FBN2: variants seen among roughly 807,000 people sequenced by gnomAD.
The protein encoded by FBN2 is fibrillin-2.
Under a neutral mutation model 355.6 loss-of-function variants are expected in FBN2, and 105 were observed. The observed-to-expected ratio is 0.30, with a 90% confidence interval of 0.25 to 0.35. FBN2 has a LOEUF of 0.35. Among genes scored for constraint, FBN2 ranks in the 10% least tolerant of loss-of-function variants. The probability of loss-of-function intolerance (pLI) is 1.00; values close to 1 mark genes in which losing one functional copy is unlikely to be tolerated. For synonymous variants in FBN2, 1,350 were observed against 1,301.2 expected (o/e 1.04, Z -0.81); for missense variants, 3,280 against 3,758.7 (o/e 0.87, Z 3.33).
At chr5:128,450,880 A>G (rs921549708) in intron 6 of FBN2, among the ~76,000 whole-genome samples, 5 of 152,164 alleles carry the variant, frequency 3.3e-5, no homozygotes, top group African/African-American at 4.8e-5. Flanking sequence ...ACTTAATTAC[A>G]AAATAACATA....
chr5:128,269,631 T>A (rs1213601757), intron 62 of FBN2, among the ~76,000 whole-genome samples: 1 of 152,044 alleles, frequency 6.6e-6, no homozygotes, highest in Non-Finnish European at 1.5e-5. Context: ...TCATTCACAA[T>A]TGCTACAAAG....
intron 5 of FBN2, among the ~76,000 whole-genome samples, chr5:128,515,747 T>C (rs1756264942): frequency 6.6e-6 from 1 of 151,956 alleles, no homozygotes; most frequent in Non-Finnish European, 1.5e-5. Context: ...TTCTTTAAAA[T>C]GTCAATAATT....
At chr5:128,527,646 T>C (rs946829823) in intron 4 of FBN2, among the ~76,000 whole-genome samples, 30 of 152,134 alleles carry the variant, frequency 2.0e-4, no homozygotes, top group Non-Finnish European at 1.3e-4. Context: ...TAGTTACCAG[T>C]TGTTGACTAG....
At chr5:128,273,261 C>T (rs962078568) in intron 61 of FBN2, among the ~76,000 whole-genome samples, 2 of 152,138 alleles carry the variant, frequency 1.3e-5, no homozygotes, top group African/African-American at 4.8e-5. Flanking sequence ...TTCTTAACTG[C>T]AAGCATGTTC....
intron 61 of FBN2, 116 bp from the exon 62 acceptor site, chr5:128,272,234 A>G (rs1327964434): frequency 3.4e-6 from 4 of 1,176,114 alleles, no homozygotes; most frequent in South Asian, 1.3e-5. Flanking sequence ...CAAACAAGAC[A>G]TGACACATAG....
rs869276284 is a variant in FBN2, at chr5:128,272,485, T to TAA, written c.7841-369_7841-368dup. Among the ~76,000 whole-genome samples the TAA allele has an allele frequency of 3.6e-3, 526 of 147,388 alleles. 9 individuals carry two copies. Among genetic ancestry groups the TAA allele is most frequent in the Non-Finnish European group, 2.3e-3 (151 of 67,092 alleles). On this transcript the variant is annotated intron_variant, in intron 61 of 64. Coordinates refer to ENST00000262464, the MANE Select transcript of FBN2 (RefSeq NM_001999.4). ...AATCATATATATATATATATATATA[T>TAA]AAAATATATTTGCATTGCATAGTCC... is the stretch of plus-strand genomic sequence containing the variant.
chr5:128,345,206 A>T (rs1049095935), intron 24 of FBN2, 151 bp downstream of exon 24: 1 of 721,718 alleles, frequency 1.4e-6, no homozygotes, highest in Non-Finnish European at 2.5e-6. Flanking sequence ...GGGGATTTAT[A>T]CTCTTGGGAC....
At chr5:128,536,754 A>G (rs1375344378) in intron 1 of FBN2, among the ~76,000 whole-genome samples, 2 of 152,136 alleles carry the variant, frequency 1.3e-5, no homozygotes, top group African/African-American at 4.8e-5. Context: ...ATGGAAACAT[A>G]TAATTTGCTA....
rs193120687 is a variant in FBN2 at position 128,417,774 on chromosome 5, C to T, written c.953-8975G>A. ...GCTACTATTTTGTTGGGGATTTTTACGTCTATATTCATCAGGAATATTGGC... is the reference window on the plus strand; with the variant it reads ...GCTACTATTTTGTTGGGGATTTTTATGTCTATATTCATCAGGAATATTGGC... On this transcript the variant is annotated intron_variant, in intron 7 of 64. Coordinates refer to ENST00000262464, the MANE Select transcript of FBN2 (RefSeq NM_001999.4). 5.3e-5 allele frequency among the ~76,000 whole-genome samples: 8 copies of T among 152,138 alleles called. No homozygotes were observed. The East Asian group carries it at 7.7e-4, about 15-fold the overall frequency.
chr5:128,293,740 T>C (rs1749403578), intron 48 of FBN2, among the ~76,000 whole-genome samples: 1 of 152,028 alleles, frequency 6.6e-6, no homozygotes, highest in South Asian at 2.1e-4. Flanking sequence ...TAGCATTCCA[T>C]AAAGAGAAGG....
rs545105135 is a variant in FBN2 at position 128,362,866 on chromosome 5, T to C, written c.2429-1018A>G. On this transcript the variant is annotated intron_variant, in intron 18 of 64. Transcript: ENST00000262464. Reference sequence around the variant, plus strand: ...AGTGAAGAGCTCTTTCACTTAAAGTTACATTTCTAGTATTGCAAATAACAA... The same window carrying C: ...AGTGAAGAGCTCTTTCACTTAAAGTCACATTTCTAGTATTGCAAATAACAA... Among the ~76,000 whole-genome samples, 5 of 152,294 alleles carry C rather than the reference T, an allele frequency of 3.3e-5. No individual in the cohort carries two copies. In the South Asian group the frequency reaches 1.0e-3, roughly 32 times the overall value.
chr5:128,381,574 AT>A (rs1452082690), intron 11 of FBN2, among the ~76,000 whole-genome samples: 5 of 152,142 alleles, frequency 3.3e-5, no homozygotes, highest in Non-Finnish European at 7.4e-5. Context: ...ATTCAAAGTG[AT>A]CAAAAATTGA....
Position 128,305,502 on chromosome 5 carries a change from CT to C in FBN2, c.5674+8del. 6.2e-7 allele frequency: 1 copy of C among 1,613,960 alleles called. No homozygotes were observed. The highest frequency in any genetic ancestry group is 8.5e-7 in the Non-Finnish European group (1 of 1,179,904). ...TCAGTGCCAAAGAATGAGTCAGCCT[CT>C]TTCTTACCTACACAGGCCCCATTGG... is the stretch of plus-strand genomic sequence containing the variant. On this transcript the variant is annotated splice_region_variant and intron_variant, in intron 44 of 64. Coordinates refer to ENST00000262464, the MANE Select transcript of FBN2 (RefSeq NM_001999.4).
At chr5:128,264,037 G>A (rs1561736698) in intron 62 of FBN2, among the ~76,000 whole-genome samples, 1 of 152,178 alleles carries the variant, frequency 6.6e-6, no homozygotes, top group East Asian at 1.9e-4. Flanking sequence ...TCGGGAGGAA[G>A]AAATGGGAAA....
intron 55 of FBN2, among the ~76,000 whole-genome samples, chr5:128,281,399 C>T (rs1765541138): frequency 6.6e-6 from 1 of 152,338 alleles, no homozygotes; most frequent in South Asian, 2.1e-4. Flanking sequence ...CTTCAACACA[C>T]ATTCTTAATG....
chr5:128,334,357 G>A (rs1051919373), intron 31 of FBN2, among the ~76,000 whole-genome samples: 5 of 152,012 alleles, frequency 3.3e-5, no homozygotes, highest in Non-Finnish European at 5.9e-5. Flanking sequence ...CGGGATCCTC[G>A]GGTCTTTTGG....
At chr5:128,528,191 C>A (rs1021458046) in intron 3 of FBN2, among the ~76,000 whole-genome samples, 3 of 151,966 alleles carry the variant, frequency 2.0e-5, no homozygotes, top group Admixed American at 6.6e-5. Flanking sequence ...GAAAACACTT[C>A]CAATGTTAAA....
chr5:128,537,243 G>T, intron 1 of FBN2, 107 bp downstream of exon 1: 1 of 1,512,944 alleles, frequency 6.6e-7, no homozygotes, highest in South Asian at 1.2e-5. Context: ...GCAGCTCTAG[G>T]CTCCAGCTAA....
intron 2 of FBN2, among the ~76,000 whole-genome samples, chr5:128,532,378 T>C (rs1756732253): frequency 6.6e-6 from 1 of 152,188 alleles, no homozygotes. Context: ...ACTGACACAA[T>C]ACATTCCACA....
Sources: allele counts gnomAD v4.1 joint callset (sites outside exome capture counted in the v4.1 genomes callset), GRCh38; gene constraint gnomAD v4.1.1; transcripts MANE v1.5; gene names NCBI Gene and HGNC (gene_info 2026-07-23, HGNC 2026-07-21).